UACA: variants seen among roughly 807,000 people sequenced by gnomAD.
UACA encodes the protein uveal autoantigen with coiled-coil domains and ankyrin repeats, also known as nuclear membrane binding protein.
UACA carries 112 observed loss-of-function variants against 160.5 expected under a neutral mutation model. That is an observed-to-expected ratio of 0.70 (90% CI 0.60 to 0.82). UACA has a LOEUF of 0.82. Among genes scored for constraint, UACA ranks in the 40% least tolerant of loss-of-function variants. The probability of loss-of-function intolerance (pLI) is 0.00; values close to 1 mark genes in which losing one functional copy is unlikely to be tolerated. For synonymous variants in UACA, 557 were observed against 568.4 expected, an observed-to-expected ratio of 0.98 and a Z score of 0.29; for missense variants, 1,574 against 1,614.6, an observed-to-expected ratio of 0.97 and a Z score of 0.43.
rs143679420 is a variant in UACA, at chr15:70,666,852, G to A, written c.3832C>T (p.Leu1278=). The A allele has an allele frequency of 8.7e-5, 140 of 1,613,776 alleles. No individual in the cohort carries two copies. The highest frequency in any genetic ancestry group is 1.1e-4 in the Non-Finnish European group (135 of 1,179,952). The change falls in exon 16 of 19, where the codon CTG becomes TTG. Residue 1278 remains leucine, a synonymous_variant. Coordinates refer to ENST00000322954, the MANE Select transcript of UACA (RefSeq NM_018003.4). ...ATTTCTTGCTCAATGCTGAAATGCA[G>A]TAATTCCTTCTCATCTTTTGCAGAT... ...EISAKDEKEL[L]HFSIEQEIKD...
intron 7 of UACA, among the ~76,000 whole-genome samples, chr15:70,685,708 T>C (rs1479874795): frequency 6.6e-6 from 1 of 152,102 alleles, no homozygotes; most frequent in Non-Finnish European, 1.5e-5. Context: ...CTTTGAAAAA[T>C]GTGAGAGCTA....
At chr15:70,776,679 T>C in the UACA span, among the ~76,000 whole-genome samples, 1 of 152,284 alleles carries the variant, frequency 6.6e-6, no homozygotes, top group Admixed American at 6.5e-5. Context: ...TCCACCTGCC[T>C]CAGCCTCTCA....
At chr15:70,769,816 G>C in the UACA span, among the ~76,000 whole-genome samples, 1 of 152,062 alleles carries the variant, frequency 6.6e-6, no homozygotes, top group South Asian at 2.1e-4. Context: ...GGCCAATATG[G>C]TGAAACCCCA....
chr15:70,715,087 A>T (rs1269945067), intron 1 of UACA, among the ~76,000 whole-genome samples: 3 of 152,188 alleles, frequency 2.0e-5, no homozygotes, highest in Admixed American at 6.5e-5. Flanking sequence ...GGAAAAAAAT[A>T]AATTTTGTTC....
the UACA span, among the ~76,000 whole-genome samples, chr15:70,775,607 C>T: frequency 2.6e-5 from 4 of 152,084 alleles, no homozygotes; most frequent in Non-Finnish European, 5.9e-5. Flanking sequence ...TCAGTCTTTG[C>T]TTTTTGCTTG....
chr15:70,723,360 C>T (rs1030381014), intron 1 of UACA, among the ~76,000 whole-genome samples: 6 of 152,192 alleles, frequency 3.9e-5, no homozygotes, highest in African/African-American at 1.4e-4. Context: ...TGGTACACAT[C>T]GGTAGTCCCA....
chr15:70,769,084 C>G, the UACA span, among the ~76,000 whole-genome samples: 2 of 151,948 alleles, frequency 1.3e-5, no homozygotes, highest in African/African-American at 4.8e-5. Context: ...TCGGGCCCGG[C>G]GCGGTGGCTC....
At position 70,726,691 on chromosome 15, in the gene UACA, T is replaced by G. The variant is rs559068574; in HGVS notation, c.79-27031A>C. Among the ~76,000 whole-genome samples the G allele has an allele frequency of 2.0e-4, 30 of 152,282 alleles. No homozygotes were observed. The South Asian group carries it at 5.6e-3, about 28-fold the overall frequency. On this transcript the variant is annotated intron_variant, in intron 1 of 18. Coordinates refer to ENST00000322954, the MANE Select transcript of UACA (RefSeq NM_018003.4). ...TGGGATGTGGTATTAGAGAAGACATTTTTTCTTTATATGTTCGGTACCTTC... is the reference window on the plus strand; with the variant it reads ...TGGGATGTGGTATTAGAGAAGACATGTTTTCTTTATATGTTCGGTACCTTC...
intron 2 of UACA, 122 bp from the exon 3 acceptor site, chr15:70,695,227 G>A: frequency 1.7e-6 from 1 of 594,996 alleles, no homozygotes; most frequent in Non-Finnish European, 2.8e-6. Context: ...CATTTTAAAG[G>A]CTACATTAGA....
chr15:70,691,250 T>C, intron 4 of UACA, 49 bp downstream of exon 4: 2 of 1,335,832 alleles, frequency 1.5e-6, no homozygotes, highest in Non-Finnish European at 1.0e-6. Flanking sequence ...AGTACATCTA[T>C]GATTTGTTGT....
intron 13 of UACA, among the ~76,000 whole-genome samples, chr15:70,675,470 G>A (rs28729320): frequency 6.6e-6 from 1 of 152,206 alleles, no homozygotes. Context: ...ACACAACCCA[G>A]ATTAAGATAT....
rs555174585 is a variant in UACA, at chr15:70,697,685, T to C, written c.212+1842A>G. Among the ~76,000 whole-genome samples, 72 of 152,294 alleles carry C rather than the reference T, an allele frequency of 4.7e-4. No individual in the cohort carries two copies. In the Middle Eastern group the frequency reaches 0.014, roughly 29 times the overall value. On this transcript the variant is annotated intron_variant, in intron 2 of 18. Coordinates refer to ENST00000322954, the MANE Select transcript of UACA (RefSeq NM_018003.4). ...GTCCCACACTTGACTAAATACAACA[T>C]GCTTTAATTAAGAATACAGTTTGTG...
intron 1 of UACA, among the ~76,000 whole-genome samples, chr15:70,753,547 T>C (rs991255789): frequency 6.6e-6 from 1 of 152,222 alleles, no homozygotes; most frequent in Non-Finnish European, 1.5e-5. Flanking sequence ...TCTTCACTTA[T>C]TAGCTATAGT....
chr15:70,693,141 T>C (rs982883176), intron 3 of UACA, among the ~76,000 whole-genome samples: 1 of 151,614 alleles, frequency 6.6e-6, no homozygotes, highest in Non-Finnish European at 1.5e-5. Flanking sequence ...TAGCATGGAG[T>C]GGAGATGGTA....
At chr15:70,775,331 T>C in the UACA span, among the ~76,000 whole-genome samples, 2 of 152,318 alleles carry the variant, frequency 1.3e-5, no homozygotes, top group East Asian at 3.9e-4. Flanking sequence ...CTTGAAAATC[T>C]ACCAGTCAGC....
At chr15:70,662,004 T>C (rs1331996706) in intron 17 of UACA, among the ~76,000 whole-genome samples, 1 of 152,192 alleles carries the variant, frequency 6.6e-6, no homozygotes, top group Non-Finnish European at 1.5e-5. Flanking sequence ...TTGGAAGTTC[T>C]GGCCAGGGCA....
At chr15:70,670,933 C>T in intron 15 of UACA, 106 bp downstream of exon 15, 1 of 520,976 alleles carries the variant, frequency 1.9e-6, no homozygotes, top group Non-Finnish European at 3.2e-6. Flanking sequence ...AAACCTCACT[C>T]TATGTATATA....
At chr15:70,690,087 T>G (rs1897874557) in intron 5 of UACA, among the ~76,000 whole-genome samples, 1 of 152,062 alleles carries the variant, frequency 6.6e-6, no homozygotes, top group Non-Finnish European at 1.5e-5. Context: ...AAGGAAAGTC[T>G]TCTTCCCATT....
chr15:70,740,195 TATA>T (rs1210940822), intron 1 of UACA, among the ~76,000 whole-genome samples: 14 of 152,176 alleles, frequency 9.2e-5, no homozygotes, highest in Non-Finnish European at 1.9e-4. Flanking sequence ...CTGTGAATCT[TATA>T]ATATTGTAAA....
Sources: gnomAD v4.1 joint callset for allele counts (sites outside exome capture counted in the v4.1 genomes callset) on GRCh38, gnomAD v4.1.1 for gene constraint, MANE v1.5 for transcripts, NCBI Gene and HGNC (gene_info 2026-07-23, HGNC 2026-07-21) for gene names.